Variants in BARX2 observed in about 807,000 individuals in gnomAD.
BARX2 encodes the protein BARX homeobox 2, also known as homeobox protein BarH-like 2.
A neutral mutation model predicts 25.5 loss-of-function variants in BARX2; 11 were observed. That is an observed-to-expected ratio of 0.43 (90% confidence interval 0.27 to 0.71). BARX2 has a LOEUF of 0.71. Among genes scored for constraint, BARX2 ranks in the 30% least tolerant of loss-of-function variants. The pLI, the probability that BARX2 is intolerant of heterozygous loss-of-function variation, is 0.19. For missense variants in BARX2, 360 were observed against 359.9 expected (o/e 1.00, Z 0.00); for synonymous variants, 137 against 149.5 (o/e 0.92, Z 0.61).
At chr11:129,409,884 G>A (rs1329068584) in intron 1 of BARX2, among the ~76,000 whole-genome samples, 1 of 151,736 alleles carries the variant, frequency 6.6e-6, no homozygotes, top group African/African-American at 2.4e-5. Flanking sequence ...TTTTTTCTTG[G>A]AATTTCTACC....
chr11:129,375,959 C>T lies in BARX2; in HGVS notation c.-77C>T. Reference sequence around the variant, plus strand: ...GGGAGCGGGGCCCAGGCCCCGCCGTCGCGCCAGCCCCGCGGCCCCAGCGGG... The same window carrying T: ...GGGAGCGGGGCCCAGGCCCCGCCGTTGCGCCAGCCCCGCGGCCCCAGCGGG... On this transcript the variant is annotated 5_prime_UTR_variant, in exon 1 of 4. Transcript: ENST00000281437. This position sits in a 1 kb window ranked among gnomAD's most constrained non-coding sequence, Gnocchi z 4.0. 3.3e-6 allele frequency: 3 copies of T among 911,668 alleles called. No individual in the cohort carries two copies. Among genetic ancestry groups the T allele is most frequent in the Non-Finnish European group, 4.0e-6 (3 of 755,996 alleles). 56.5% of individuals were successfully genotyped at this position (911,668 alleles called of 1,614,324 possible).
At chr11:129,386,940 A>G (rs187828622) in intron 1 of BARX2, among the ~76,000 whole-genome samples, 98 of 152,274 alleles carry the variant, frequency 6.4e-4, no homozygotes, top group African/African-American at 2.3e-3. Flanking sequence ...GCCTCACCCC[A>G]CCCACAGGAT....
Position 129,442,854 on chromosome 11 carries a change from C to T in BARX2, c.508C>T (p.Leu170=), listed in dbSNP as rs766411728. The T allele has an allele frequency of 1.5e-5, 25 of 1,613,968 alleles. No homozygotes were observed. Among genetic ancestry groups the T allele is most frequent in the Non-Finnish European group, 2.0e-5 (24 of 1,179,900 alleles). Residue 170 remains leucine, a synonymous_variant, in exon 3 of 4, where the codon CTG becomes TTG. Transcript: ENST00000281437. The part of the protein sequence containing the change: ...TPDRLDLAQS[L]GLTQLQVKTW... ...TTCTAGGTTGGACTTGGCTCAGTCTCTGGGACTCACTCAGCTGCAGGTGAA... is the reference window on the plus strand; with the variant it reads ...TTCTAGGTTGGACTTGGCTCAGTCTTTGGGACTCACTCAGCTGCAGGTGAA...
At chr11:129,394,529 A>C (rs189715937) in intron 1 of BARX2, among the ~76,000 whole-genome samples, 1 of 152,006 alleles carries the variant, frequency 6.6e-6, no homozygotes, top group Non-Finnish European at 1.5e-5. Context: ...TTTTGGTTAA[A>C]TTTTTTTCCC....
chr11:129,449,969 A>G (rs1452309659), intron 3 of BARX2, among the ~76,000 whole-genome samples: 1 of 152,148 alleles, frequency 6.6e-6, no homozygotes, highest in African/African-American at 2.4e-5. Context: ...GATGGTATAT[A>G]TATTCTGGGC....
chr11:129,400,516 CAGAT>C (rs2135392687), intron 1 of BARX2, among the ~76,000 whole-genome samples: 1 of 152,272 alleles, frequency 6.6e-6, no homozygotes, highest in South Asian at 2.1e-4. Flanking sequence ...TGGCTGGAAA[CAGAT>C]AGTATGTGTC....
rs965636721 is a variant in BARX2 at position 129,451,539 on chromosome 11, A to G, written c.*137A>G. 2.5e-5 allele frequency: 25 copies of G among 1,015,658 alleles called. No homozygotes were observed. The African/African-American group carries it at 3.6e-4, about 15-fold the overall frequency. The allele number at this position is 1,015,658 out of a possible 1,614,324, so 62.9% of individuals were successfully genotyped here. ...ATCTACCCGTCTCCCTCCCTCCCAC[A>G]GTTACCATTGGCCTTGTCATCGCAA... On this transcript the variant is annotated 3_prime_UTR_variant, in exon 4 of 4. Coordinates refer to ENST00000281437, the MANE Select transcript of BARX2 (RefSeq NM_003658.5).
chr11:129,384,251 C>A (rs966664963), intron 1 of BARX2, among the ~76,000 whole-genome samples: 2 of 150,950 alleles, frequency 1.3e-5, no homozygotes, highest in Non-Finnish European at 2.9e-5. Flanking sequence ...TTTTAAAAAA[C>A]CAACATATGC....
intron 2 of BARX2, among the ~76,000 whole-genome samples, chr11:129,442,222 CTTTCA>C (rs1040381054): frequency 2.0e-4 from 30 of 152,258 alleles, no homozygotes; most frequent in African/African-American, 5.8e-4. Flanking sequence ...GTGATGGGCA[CTTTCA>C]TGGGTAGAAA....
chr11:129,441,632 A>AGAGAT (rs1364324902), intron 2 of BARX2, among the ~76,000 whole-genome samples: 2 of 137,884 alleles, frequency 1.5e-5, no homozygotes, highest in African/African-American at 6.3e-5. Flanking sequence ...TATTTTTAGT[A>AGAGAT]GAGATGGGGG....
intron 1 of BARX2, among the ~76,000 whole-genome samples, chr11:129,426,465 C>T (rs1195773482): frequency 6.6e-6 from 1 of 151,790 alleles, no homozygotes; most frequent in Non-Finnish European, 1.5e-5. Context: ...CTCCATCTAT[C>T]GAGTTAAAGC....
intron 3 of BARX2, among the ~76,000 whole-genome samples, chr11:129,447,385 G>A (rs993742910): frequency 6.6e-6 from 1 of 152,232 alleles, no homozygotes; most frequent in Non-Finnish European, 1.5e-5. Flanking sequence ...GGCAGAAGGA[G>A]GCATGTGACC....
intron 1 of BARX2, among the ~76,000 whole-genome samples, chr11:129,421,250 T>C (rs948420051): frequency 2.0e-5 from 3 of 152,134 alleles, no homozygotes; most frequent in African/African-American, 7.2e-5. Flanking sequence ...CAAACATGAG[T>C]AAATATTGAT....
intron 1 of BARX2, among the ~76,000 whole-genome samples, chr11:129,378,844 A>G (rs1395756574): frequency 1.9e-5 from 2 of 103,410 alleles, no homozygotes; most frequent in East Asian, 2.1e-4. Context: ...CTACAGCATT[A>G]AAAAAAAAAA....
At chr11:129,391,876 G>A (rs182168050) in intron 1 of BARX2, among the ~76,000 whole-genome samples, 5 of 152,210 alleles carry the variant, frequency 3.3e-5, no homozygotes, top group East Asian at 1.9e-4. Context: ...GAGGCTGGGC[G>A]TGTCAGCATC....
At position 129,436,951 on chromosome 11, in the gene BARX2, CAGA is replaced by C; in HGVS notation, c.394_396del (p.Lys132del). The C allele has an allele frequency of 6.2e-7, 1 of 1,612,444 alleles. No homozygotes were observed. The highest frequency in any genetic ancestry group is 2.2e-5 in the East Asian group (1 of 44,848). ...AGAGACGGAACAGCCCACGCCCCGA[CAGA>C]AGAAGCCCCGCCGGAGTCGCACCAT... On this transcript the variant is annotated inframe_deletion, in exon 2 of 4. Coordinates refer to ENST00000281437, the MANE Select transcript of BARX2 (RefSeq NM_003658.5). The surrounding 1 kb of genome is among the most constrained non-coding windows in gnomAD (Gnocchi z 4.5).
intron 2 of BARX2, among the ~76,000 whole-genome samples, chr11:129,439,218 C>G (rs540527668): frequency 2.6e-5 from 4 of 151,806 alleles, no homozygotes; most frequent in African/African-American, 4.8e-5. Flanking sequence ...GTGATCATCA[C>G]GAAGACTTGA....
intron 1 of BARX2, among the ~76,000 whole-genome samples, chr11:129,406,144 A>G (rs543131007): frequency 8.5e-4 from 129 of 152,370 alleles, no homozygotes; most frequent in Non-Finnish European, 1.6e-3. Flanking sequence ...GGATGGTACT[A>G]AATCATGATA....
chr11:129,395,005 C>T (rs1254813513), intron 1 of BARX2, among the ~76,000 whole-genome samples: 7 of 151,102 alleles, frequency 4.6e-5, no homozygotes, highest in Non-Finnish European at 1.0e-4. Flanking sequence ...CAAGATCACT[C>T]GGAGGCTTGC....
Sources: gnomAD v4.1 joint callset for allele counts (sites outside exome capture counted in the v4.1 genomes callset) on GRCh38, gnomAD v4.1.1 for gene constraint, Gnocchi (gnomAD v3.1) non-coding constraint, MANE v1.5 for transcripts, NCBI Gene and HGNC (gene_info 2026-07-23, HGNC 2026-07-21) for gene names.